NIBAN2: variants seen among roughly 807,000 people sequenced by gnomAD.
NIBAN2 encodes the protein protein Niban 2.
NIBAN2 carries 36 observed loss-of-function variants against 81.8 expected under a neutral mutation model. That is an observed-to-expected ratio of 0.44 (90% CI 0.34 to 0.58). NIBAN2 has a LOEUF of 0.58. NIBAN2 is among the 20% of genes least tolerant of loss of function. The pLI is 0.02. For missense variants in NIBAN2, 897 were observed against 1,014.1 expected, an observed-to-expected ratio of 0.88 and a Z score of 1.57; for synonymous variants, 445 against 441.6, an observed-to-expected ratio of 1.01 and a Z score of -0.10.
At chr9:127,510,983 G>A (rs1247767668) in intron 8 of NIBAN2, among the ~76,000 whole-genome samples, 1 of 152,106 alleles carries the variant, frequency 6.6e-6, no homozygotes, top group Non-Finnish European at 1.5e-5. Flanking sequence ...CCCAAGTAAT[G>A]AGCACAGTGC....
Position 127,527,243 on chromosome 9 carries a change from A to C in NIBAN2, c.266T>G (p.Phe89Cys). 6.2e-7 allele frequency: 1 copy of C among 1,613,942 alleles called. No individual in the cohort carries two copies. Among genetic ancestry groups the C allele is most frequent in the Non-Finnish European group, 8.5e-7 (1 of 1,179,990 alleles). ...QEDSKKWRNR[F>C]SLVPHNYGLV... ...CCCGTAGTTGTGGGGCACGAGGCTGAAGCGGTTTCTCCACTTCTTGCTGTC... is the reference window on the plus strand; with the variant it reads ...CCCGTAGTTGTGGGGCACGAGGCTGCAGCGGTTTCTCCACTTCTTGCTGTC... Residue 89 changes from phenylalanine (F) to cysteine (C), a missense_variant, in exon 3 of 14, where the codon TTC (phenylalanine) becomes TGC (cysteine). This residue lies in a region of NIBAN2 where 209 missense variants were observed against 208.4 expected (regional missense o/e 1.00). Transcript: ENST00000373312.
At chr9:127,513,680 T>G (rs1354385965) in intron 8 of NIBAN2, among the ~76,000 whole-genome samples, 1 of 152,196 alleles carries the variant, frequency 6.6e-6, no homozygotes, top group Non-Finnish European at 1.5e-5. Context: ...AAGGGAGGCA[T>G]GAATAATCCA....
intron 5 of NIBAN2, among the ~76,000 whole-genome samples, chr9:127,518,574 T>C (rs1031951277): frequency 6.6e-6 from 1 of 152,208 alleles, no homozygotes; most frequent in African/African-American, 2.4e-5. Flanking sequence ...CCAATAAACT[T>C]TGTTGACAGA....
chr9:127,509,440 G>A lies in NIBAN2; in HGVS notation c.1162-309C>T, dbSNP rs76504899. Among the ~76,000 whole-genome samples the A allele has an allele frequency of 1.2e-4, 19 of 152,274 alleles. No homozygotes were observed. In the East Asian group the frequency reaches 3.7e-3, roughly 29 times the overall value. On this transcript the variant is annotated intron_variant, in intron 9 of 13. Coordinates refer to ENST00000373312, the MANE Select transcript of NIBAN2 (RefSeq NM_022833.4). The stretch of plus-strand genomic sequence containing the variant: ...CTTGGGCAAGTCATTCACCCTCTCT[G>A]AGCCTCAGTTTCCTCAGCTTCAAAA...
At position 127,566,167 on chromosome 9, in the gene NIBAN2, T is replaced by G. The variant is rs543598758; in HGVS notation, c.55+2653A>C. Among the ~76,000 whole-genome samples the G allele has an allele frequency of 2.0e-5, 3 of 151,898 alleles. No individual in the cohort carries two copies. The East Asian group carries it at 5.8e-4, about 29-fold the overall frequency. ...AGATATTACTCCAAGGTTGCAGGCA[T>G]TATACTGGGACCTTGAGCTGGCTTC... On this transcript the variant is annotated intron_variant, in intron 1 of 13. Coordinates refer to ENST00000373312, the MANE Select transcript of NIBAN2 (RefSeq NM_022833.4).
At chr9:127,521,545 C>T (rs955370327) in intron 5 of NIBAN2, among the ~76,000 whole-genome samples, 2 of 151,778 alleles carry the variant, frequency 1.3e-5, no homozygotes, top group African/African-American at 2.4e-5. Flanking sequence ...TGGCCTCCTT[C>T]CCCCCACCCC....
intron 1 of NIBAN2, among the ~76,000 whole-genome samples, chr9:127,565,618 C>T (rs899874375): frequency 1.3e-5 from 2 of 151,024 alleles, no homozygotes; most frequent in African/African-American, 4.9e-5. Context: ...TATGGTGAAA[C>T]CCCCGTCTCT....
chr9:127,539,475 C>T (rs1206652476), intron 1 of NIBAN2, among the ~76,000 whole-genome samples: 3 of 152,154 alleles, frequency 2.0e-5, no homozygotes, highest in Non-Finnish European at 2.9e-5. Flanking sequence ...GTGTCAGAGC[C>T]GGGACTGAGG....
At chr9:127,526,984 C>T (rs1837078635) in intron 3 of NIBAN2, among the ~76,000 whole-genome samples, 1 of 152,072 alleles carries the variant, frequency 6.6e-6, no homozygotes, top group South Asian at 2.1e-4. Context: ...CAGCGATATT[C>T]CCCAGAGATG....
rs751762963 is a variant in NIBAN2, at chr9:127,510,128, G to C, written c.1161+18C>G. The C allele has an allele frequency of 6.3e-7, 1 of 1,596,278 alleles. No individual in the cohort carries two copies. Among genetic ancestry groups the C allele is most frequent in the South Asian group, 1.1e-5 (1 of 88,160 alleles). On this transcript the variant is annotated intron_variant, in intron 9 of 13. Coordinates refer to ENST00000373312, the MANE Select transcript of NIBAN2 (RefSeq NM_022833.4). ...CTACTCTCAGGAGACCCCCTCCTAG[G>C]GGCGGTGCCGGCCTCACCTCGCCCA...
chr9:127,558,531 AG>A (rs1349435338), intron 1 of NIBAN2, among the ~76,000 whole-genome samples: 1 of 152,098 alleles, frequency 6.6e-6, no homozygotes, highest in Admixed American at 6.5e-5. Flanking sequence ...AGGACGAGGA[AG>A]GGTCTGGGCC....
intron 1 of NIBAN2, among the ~76,000 whole-genome samples, chr9:127,565,946 T>TCTCTCTCACA (rs751937125): frequency 6.9e-5 from 9 of 130,618 alleles, no homozygotes; most frequent in Middle Eastern, 4.0e-3. Context: ...TCTCTCTCTC[T>TCTCTCTCACA]CACACACACA....
At chr9:127,568,329 C>G (rs1170678775) in intron 1 of NIBAN2, among the ~76,000 whole-genome samples, 1 of 152,186 alleles carries the variant, frequency 6.6e-6, no homozygotes, top group South Asian at 2.1e-4. Flanking sequence ...TTCATGGGCG[C>G]GTCCTTCAGG....
chr9:127,550,208 A>C (rs1405369287), intron 1 of NIBAN2, among the ~76,000 whole-genome samples: 2 of 152,160 alleles, frequency 1.3e-5, no homozygotes, highest in African/African-American at 2.4e-5. Flanking sequence ...CGTACCGTGA[A>C]GGGACTGGAC....
At position 127,508,924 on chromosome 9, in the gene NIBAN2, T is replaced by C. The variant is rs1836671735; in HGVS notation, c.1317+52A>G. On this transcript the variant is annotated intron_variant, in intron 10 of 13. Transcript: ENST00000373312. This position sits in a 1 kb window ranked among gnomAD's most constrained non-coding sequence, Gnocchi z 6.4. ...AAGGGACCCCCTGGGCGAGGGGGCCTGTGGAAGGCAGTGGACAGGGTGTGG... is the reference window on the plus strand; with the variant it reads ...AAGGGACCCCCTGGGCGAGGGGGCCCGTGGAAGGCAGTGGACAGGGTGTGG... 1 of 1,604,378 alleles carries C rather than the reference T, an allele frequency of 6.2e-7. No homozygotes were observed. Among genetic ancestry groups the C allele is most frequent in the East Asian group, 2.2e-5 (1 of 44,808 alleles).
chr9:127,526,957 T>G (rs1352088635), intron 3 of NIBAN2, among the ~76,000 whole-genome samples: 1 of 151,314 alleles, frequency 6.6e-6, no homozygotes, highest in Non-Finnish European at 1.5e-5. Flanking sequence ...AGTTGGTTTA[T>G]GAGGGACAGA....
chr9:127,531,496 AATAAT>A, intron 2 of NIBAN2, 147 bp downstream of exon 2: 1 of 610,344 alleles, frequency 1.6e-6, no homozygotes, highest in South Asian at 3.5e-5. Context: ...AAAAGAAAAA[AATAAT>A]TAATTTTAAA....
chr9:127,562,188 C>T (rs568140878), intron 1 of NIBAN2, among the ~76,000 whole-genome samples: 3 of 152,244 alleles, frequency 2.0e-5, no homozygotes, highest in Admixed American at 1.3e-4. Context: ...CACTCGGCTC[C>T]TCCTCCCACT....
At chr9:127,576,237 C>A (rs1838007470) in intron 1 of NIBAN2, among the ~76,000 whole-genome samples, 1 of 152,044 alleles carries the variant, frequency 6.6e-6, no homozygotes, top group Non-Finnish European at 1.5e-5. Context: ...TAGACCTATA[C>A]TGAAACACTC....
Sources: gnomAD v4.1 joint callset for allele counts (sites outside exome capture counted in the v4.1 genomes callset) on GRCh38, gnomAD v4.1.1 for gene constraint, gnomAD v4.1.1 regional missense constraint, Gnocchi (gnomAD v3.1) non-coding constraint, MANE v1.5 for transcripts, NCBI Gene and HGNC (gene_info 2026-07-23, HGNC 2026-07-21) for gene names.